The following RAB31 variants were observed in gnomAD, a reference collection of about 807,000 sequenced individuals.
RAB31 encodes the protein ras-related protein Rab-31.
In RAB31, 21 loss-of-function variants were observed where a neutral mutation model predicts 25.6. The observed-to-expected ratio is 0.82, with a 90% CI of 0.58 to 1.18. RAB31 has a LOEUF of 1.18. Among genes scored for constraint, RAB31 ranks in the 50% most tolerant of loss-of-function variants. The probability of loss-of-function intolerance (pLI) is 0.00; values close to 1 mark genes in which losing one functional copy is unlikely to be tolerated. For synonymous variants in RAB31, 87 were observed against 84.0 expected (o/e 1.04, Z -0.20); for missense variants, 196 against 250.1 (o/e 0.78, Z 1.46).
intron 1 of RAB31, among the ~76,000 whole-genome samples, chr18:9,738,502 C>A (rs1599018797): frequency 6.6e-6 from 1 of 152,226 alleles, no homozygotes; most frequent in East Asian, 1.9e-4. Flanking sequence ...CATAAAAACC[C>A]AAAAGGGTGA....
chr18:9,858,758 G>A (rs1203717437), intron 6 of RAB31, among the ~76,000 whole-genome samples: 1 of 152,202 alleles, frequency 6.6e-6, no homozygotes, highest in African/African-American at 2.4e-5. Context: ...ACACTGCTAG[G>A]AAGATTACAA....
At chr18:9,776,280 A>C (rs1046578174) in intron 2 of RAB31, among the ~76,000 whole-genome samples, 1 of 152,076 alleles carries the variant, frequency 6.6e-6, no homozygotes, top group Non-Finnish European at 1.5e-5. Flanking sequence ...TCATTCTTAG[A>C]ACGTGGCCTC....
intron 3 of RAB31, among the ~76,000 whole-genome samples, chr18:9,813,379 G>A (rs967340170): frequency 1.1e-4 from 17 of 152,272 alleles, no homozygotes; most frequent in African/African-American, 4.1e-4. Flanking sequence ...ATTCTAATGA[G>A]ATTACCCTGG....
intron 5 of RAB31, among the ~76,000 whole-genome samples, chr18:9,838,067 A>G (rs2068714051): frequency 6.6e-6 from 1 of 152,216 alleles, no homozygotes; most frequent in Non-Finnish European, 1.5e-5. Flanking sequence ...AAACATTGAT[A>G]TAACACTTAT....
chr18:9,748,526 TA>T (rs1039303272), intron 1 of RAB31, among the ~76,000 whole-genome samples: 3 of 150,658 alleles, frequency 2.0e-5, no homozygotes, highest in African/African-American at 7.3e-5. Flanking sequence ...AAGCTACATT[TA>T]TATAGATTAG....
chr18:9,750,952 C>A (rs1220374211), intron 1 of RAB31, among the ~76,000 whole-genome samples: 1 of 152,138 alleles, frequency 6.6e-6, no homozygotes, highest in Non-Finnish European at 1.5e-5. Flanking sequence ...AGATGGAAAC[C>A]AGAATGACTT....
chr18:9,714,057 T>C (rs4798828), intron 1 of RAB31, among the ~76,000 whole-genome samples: 19,731 of 152,242 alleles, frequency 0.13, 1,375 homozygotes, highest in South Asian at 0.23. Flanking sequence ...TTGTCAATAG[T>C]GTTCAGGCAT....
chr18:9,853,056 C>A (rs2068797114), intron 6 of RAB31, among the ~76,000 whole-genome samples: 1 of 151,982 alleles, frequency 6.6e-6, no homozygotes, highest in African/African-American at 2.4e-5. Flanking sequence ...CAAATTTTAC[C>A]CATTTTGTAA....
At position 9,832,819 on chromosome 18, in the gene RAB31, A is replaced by C. The variant is rs537315511; in HGVS notation, c.381-12763A>C. Among the ~76,000 whole-genome samples, 5 of 152,342 alleles carry C rather than the reference A, an allele frequency of 3.3e-5. No individual in the cohort carries two copies. In the East Asian group the frequency reaches 9.7e-4, roughly 29 times the overall value. ...GGGGAGATTGGAAAAGCAGACTTGC[A>C]ATCCTGGGAAGAAATCCAAAGGTGT... On this transcript the variant is annotated intron_variant, in intron 5 of 6. Transcript: ENST00000578921.
At chr18:9,719,798 C>A (rs974898113) in intron 1 of RAB31, among the ~76,000 whole-genome samples, 2 of 152,164 alleles carry the variant, frequency 1.3e-5, no homozygotes, top group Non-Finnish European at 2.9e-5. Flanking sequence ...TTGAAAGAGG[C>A]ATCCAAGGCT....
chr18:9,784,446 C>T (rs2068421684), intron 2 of RAB31, among the ~76,000 whole-genome samples: 1 of 151,962 alleles, frequency 6.6e-6, no homozygotes, highest in African/African-American at 2.4e-5. Flanking sequence ...AATAGATAAC[C>T]AAAATGTCCA....
At chr18:9,759,308 C>T (rs754690409) in intron 1 of RAB31, among the ~76,000 whole-genome samples, 1 of 152,092 alleles carries the variant, frequency 6.6e-6, no homozygotes, top group Non-Finnish European at 1.5e-5. Context: ...GTACCTTGGA[C>T]ACCAGGCACA....
chr18:9,828,063 G>A (rs762900075), intron 5 of RAB31, among the ~76,000 whole-genome samples: 13 of 152,150 alleles, frequency 8.5e-5, no homozygotes, highest in Non-Finnish European at 1.6e-4. Flanking sequence ...AGGCAGTTAC[G>A]GATGTGTTGG....
At chr18:9,731,052 C>G (rs755761827) in intron 1 of RAB31, among the ~76,000 whole-genome samples, 3 of 152,210 alleles carry the variant, frequency 2.0e-5, no homozygotes, top group Non-Finnish European at 4.4e-5. Context: ...TTTCTCTGCT[C>G]CATCTGGCTT....
intron 5 of RAB31, among the ~76,000 whole-genome samples, chr18:9,817,189 G>T (rs1023796921): frequency 1.3e-5 from 2 of 152,120 alleles, no homozygotes; most frequent in Non-Finnish European, 2.9e-5. Flanking sequence ...GACGACCTTT[G>T]CTGAGAGAAG....
chr18:9,843,308 G>T (rs1156649347), intron 5 of RAB31, among the ~76,000 whole-genome samples: 4 of 152,286 alleles, frequency 2.6e-5, no homozygotes, highest in African/African-American at 9.6e-5. Context: ...ACTTTGGGAG[G>T]CTGAGGCAGG....
At chr18:9,835,336 T>G (rs2068698725) in intron 5 of RAB31, among the ~76,000 whole-genome samples, 1 of 151,482 alleles carries the variant, frequency 6.6e-6, no homozygotes, top group African/African-American at 2.5e-5. Context: ...GACAACTCTT[T>G]CCAGTGGTTC....
intron 1 of RAB31, among the ~76,000 whole-genome samples, chr18:9,723,344 G>T (rs796768634): frequency 9.9e-5 from 15 of 152,162 alleles, no homozygotes; most frequent in African/African-American, 3.6e-4. Context: ...CACCGTGCCT[G>T]GCCTGTAAAA....
At chr18:9,774,104 A>C (rs79848481) in intron 1 of RAB31, among the ~76,000 whole-genome samples, 1,573 of 152,206 alleles carry the variant, frequency 0.01, 19 homozygotes, top group African/African-American at 0.036. Flanking sequence ...AAAAGTTAAA[A>C]ATGTAAGTTG....
Sources: allele counts gnomAD v4.1 joint callset (sites outside exome capture counted in the v4.1 genomes callset), GRCh38; gene constraint gnomAD v4.1.1; transcripts MANE v1.5; gene names NCBI Gene and HGNC (gene_info 2026-07-23, HGNC 2026-07-21).